Variants in TBL1XR1 observed in about 807,000 individuals in gnomAD.
TBL1XR1 encodes the protein F-box-like/WD repeat-containing protein TBL1XR1.
A neutral mutation model predicts 66.9 loss-of-function variants in TBL1XR1; 5 were observed. That is an observed-to-expected ratio of 0.07 (90% confidence interval 0.04 to 0.16). The LOEUF is 0.16. Among genes scored for constraint, TBL1XR1 ranks in the 10% least tolerant of loss-of-function variants. The pLI, the probability that TBL1XR1 is intolerant of heterozygous loss-of-function variation, is 1.00. For missense variants in TBL1XR1, 238 were observed against 623.2 expected, an observed-to-expected ratio of 0.38 and a Z score of 6.58; for synonymous variants, 210 against 206.0, an observed-to-expected ratio of 1.02 and a Z score of -0.17.
intron 1 of TBL1XR1, among the ~76,000 whole-genome samples, chr3:177,111,139 C>G (rs1050801147): frequency 3.3e-5 from 5 of 152,068 alleles, no homozygotes; most frequent in Non-Finnish European, 7.4e-5. Flanking sequence ...GTCTTTGCAC[C>G]TCTCCCTACT....
chr3:177,056,403 G>C (rs1427678880), intron 3 of TBL1XR1, among the ~76,000 whole-genome samples: 1 of 152,132 alleles, frequency 6.6e-6, no homozygotes, highest in Non-Finnish European at 1.5e-5. Context: ...AATTTGTTCT[G>C]TCAGACCAGG....
intron 10 of TBL1XR1, among the ~76,000 whole-genome samples, chr3:177,043,879 A>G (rs1196997924): frequency 6.6e-6 from 1 of 152,124 alleles, no homozygotes; most frequent in African/African-American, 2.4e-5. Context: ...TATAGTGCAC[A>G]CCTTTAACTT....
intron 2 of TBL1XR1, among the ~76,000 whole-genome samples, chr3:177,069,069 T>C (rs1229128887): frequency 6.6e-6 from 1 of 152,216 alleles, no homozygotes; most frequent in Admixed American, 6.5e-5. Context: ...TATATGATTT[T>C]AGACAAGTGA....
Position 177,024,008 on chromosome 3 carries a change from T to G in TBL1XR1, c.*1490A>C, listed in dbSNP as rs1315324265. ...AATCATTTGTCTGTATATGTTACTC[T>G]AAGTTGCATGAGCACAAGGTTTAAT... On this transcript the variant is annotated 3_prime_UTR_variant, in exon 16 of 16. Coordinates refer to ENST00000457928, the MANE Select transcript of TBL1XR1 (RefSeq NM_024665.7). 6.6e-6 allele frequency: 1 copy of G among 152,026 alleles called. No homozygotes were observed. Among genetic ancestry groups the G allele is most frequent in the Non-Finnish European group, 1.5e-5 (1 of 67,930 alleles). 9.4% of individuals were successfully genotyped at this position (152,026 alleles called of 1,614,324 possible).
Position 177,044,669 on chromosome 3 carries a change from C to A in TBL1XR1, c.925+1460G>T, listed in dbSNP as rs191440365. ...ACAGTTCATTTTATGTCAACTGTACCTCAATAAAATTGTCTTAAAAACAAA... is the reference window on the plus strand; with the variant it reads ...ACAGTTCATTTTATGTCAACTGTACATCAATAAAATTGTCTTAAAAACAAA... On this transcript the variant is annotated intron_variant, in intron 10 of 15. Coordinates refer to ENST00000457928, the MANE Select transcript of TBL1XR1 (RefSeq NM_024665.7). Among the ~76,000 whole-genome samples, 22 of 152,126 alleles carry A rather than the reference C, an allele frequency of 1.4e-4. No individual in the cohort carries two copies. In the East Asian group the frequency reaches 1.9e-3, roughly 13 times the overall value.
intron 12 of TBL1XR1, 149 bp downstream of exon 12, chr3:177,037,949 A>C (rs1175020897): frequency 1.8e-5 from 11 of 618,728 alleles, no homozygotes; most frequent in Middle Eastern, 4.4e-4. Flanking sequence ...TAAAATTTAA[A>C]AAACAATGGT....
intron 1 of TBL1XR1, among the ~76,000 whole-genome samples, chr3:177,181,126 T>C (rs1734770921): frequency 6.6e-6 from 1 of 152,140 alleles, no homozygotes; most frequent in Non-Finnish European, 1.5e-5. Context: ...TGCCATCACC[T>C]ACTCCCATTT....
chr3:177,033,518 T>A (rs1302230439), intron 13 of TBL1XR1, among the ~76,000 whole-genome samples: 1 of 152,192 alleles, frequency 6.6e-6, no homozygotes, highest in East Asian at 1.9e-4. Flanking sequence ...TTTATCTTTT[T>A]TTTTTCTAAA....
intron 3 of TBL1XR1, among the ~76,000 whole-genome samples, chr3:177,060,418 C>T (rs760289662): frequency 3.9e-5 from 6 of 152,110 alleles, no homozygotes; most frequent in African/African-American, 7.2e-5. Flanking sequence ...CCAGTTAAGT[C>T]GTTCAATTAT....
At chr3:177,196,912 G>A (rs1006064105) in intron 1 of TBL1XR1, among the ~76,000 whole-genome samples, 10 of 151,872 alleles carry the variant, frequency 6.6e-5, no homozygotes, top group South Asian at 6.2e-4. Flanking sequence ...ACCTGAGAGA[G>A]GAAAACGGGG....
At chr3:177,159,492 T>A (rs1731914188) in intron 1 of TBL1XR1, among the ~76,000 whole-genome samples, 1 of 152,152 alleles carries the variant, frequency 6.6e-6, no homozygotes, top group Admixed American at 6.5e-5. Flanking sequence ...ACAAGCTTGA[T>A]CAAAATAACT....
rs73039690 is a variant in TBL1XR1 at position 177,159,162 on chromosome 3, A to C, written c.-122+37959T>G. On this transcript the variant is annotated intron_variant, in intron 1 of 15. Transcript: ENST00000457928. ...CTGGATTTTCTCAATGGGTAAAAAA[A>C]AAAAGAGAGAAATCAGTTTCTACCA... Among the ~76,000 whole-genome samples, 1,369 of 152,274 alleles carry C rather than the reference A, an allele frequency of 9.0e-3. 22 individuals are homozygous for C. The highest frequency in any genetic ancestry group is 0.032 in the African/African-American group (1,314 of 41,558).
intron 1 of TBL1XR1, among the ~76,000 whole-genome samples, chr3:177,152,433 C>T (rs1467646909): frequency 1.3e-5 from 2 of 152,124 alleles, no homozygotes; most frequent in African/African-American, 4.8e-5. Flanking sequence ...ATTACAGGCA[C>T]CCACCACCAC....
chr3:177,030,480 G>C (rs1713825168), intron 14 of TBL1XR1, among the ~76,000 whole-genome samples: 1 of 152,020 alleles, frequency 6.6e-6, no homozygotes, highest in Non-Finnish European at 1.5e-5. Context: ...GAAAATAGTA[G>C]TATATATCAT....
At chr3:177,080,501 G>A (rs1721261118) in intron 2 of TBL1XR1, among the ~76,000 whole-genome samples, 1 of 152,082 alleles carries the variant, frequency 6.6e-6, no homozygotes, top group Admixed American at 6.5e-5. Context: ...AAAACAATAA[G>A]TATGCTTGTG....
intron 1 of TBL1XR1, among the ~76,000 whole-genome samples, chr3:177,111,273 T>A (rs1272585072): frequency 2.7e-5 from 1 of 37,252 alleles, no homozygotes; most frequent in Non-Finnish European, 5.7e-5. Flanking sequence ...TATGATTGAT[T>A]TTTTTTTTTT....
chr3:177,122,823 G>A (rs1217509075), intron 1 of TBL1XR1, among the ~76,000 whole-genome samples: 2 of 152,060 alleles, frequency 1.3e-5, no homozygotes, highest in African/African-American at 4.8e-5. Flanking sequence ...ACCAAACAAT[G>A]AGCATCAACA....
chr3:177,181,291 C>CCAACA (rs1236411212), intron 1 of TBL1XR1, among the ~76,000 whole-genome samples: 4 of 151,920 alleles, frequency 2.6e-5, no homozygotes, highest in African/African-American at 9.7e-5. Context: ...ACCAGCCTGG[C>CCAACA]CAACACGGTG....
chr3:177,044,259 T>C (rs1252342434), intron 10 of TBL1XR1, among the ~76,000 whole-genome samples: 2 of 152,136 alleles, frequency 1.3e-5, no homozygotes, highest in African/African-American at 2.4e-5. Flanking sequence ...TATGATATGG[T>C]TAATCTTTGA....
Sources: gnomAD v4.1 joint callset for allele counts (sites outside exome capture counted in the v4.1 genomes callset) on GRCh38, gnomAD v4.1.1 for gene constraint, MANE v1.5 for transcripts, NCBI Gene and HGNC (gene_info 2026-07-23, HGNC 2026-07-21) for gene names.